The following PPEF2 variants were observed in gnomAD, a reference collection of about 807,000 sequenced individuals.
PPEF2 encodes serine/threonine-protein phosphatase with EF-hands 2.
Under a neutral mutation model 84.7 loss-of-function variants are expected in PPEF2, and 84 were observed. That is an observed-to-expected ratio of 0.99 (90% CI 0.83 to 1.19). PPEF2 has a LOEUF of 1.19. Ranked by LOEUF, PPEF2 falls within the 50% of genes most tolerant of loss-of-function variation. PPEF2 has a pLI of 0.00. For synonymous variants in PPEF2, 346 were observed against 345.2 expected (o/e 1.00, Z -0.03); for missense variants, 924 against 937.5 (o/e 0.99, Z 0.19).
chr4:75,900,093 T>C (rs1725087792), intron 1 of PPEF2, among the ~76,000 whole-genome samples: 1 of 152,220 alleles, frequency 6.6e-6, no homozygotes, highest in Non-Finnish European at 1.5e-5. Context: ...GATGTCATAT[T>C]TATTTTAAAA....
intron 1 of PPEF2, among the ~76,000 whole-genome samples, chr4:75,901,211 T>C (rs1162640957): frequency 6.6e-6 from 1 of 152,068 alleles, no homozygotes; most frequent in Non-Finnish European, 1.5e-5. Context: ...GCAGAGAACA[T>C]TCTAGAAATC....
intron 1 of PPEF2, 54 bp from the exon 2 acceptor site, chr4:75,896,437 C>T (rs150362679): frequency 1.5e-5 from 18 of 1,171,288 alleles, no homozygotes; most frequent in Non-Finnish European, 2.0e-5. Flanking sequence ...AGTATTAAAT[C>T]GGGTGGGCCA....
chr4:75,862,612 TA>T (rs561047174), intron 16 of PPEF2, among the ~76,000 whole-genome samples: 8 of 150,306 alleles, frequency 5.3e-5, no homozygotes, highest in East Asian at 1.9e-4. Flanking sequence ...TAATAAAAAC[TA>T]AAAAAAAACC....
At chr4:75,881,068 GGGATTACAGGCATGAGC>G (rs1476998398) in intron 10 of PPEF2, among the ~76,000 whole-genome samples, 2 of 151,282 alleles carry the variant, frequency 1.3e-5, no homozygotes, top group African/African-American at 4.9e-5. Context: ...CCAAAGTGCT[GGGATTACAGGCATGAGC>G]CACCGCATCC....
chr4:75,871,705 A>G (rs974170732), intron 13 of PPEF2, among the ~76,000 whole-genome samples: 2 of 152,298 alleles, frequency 1.3e-5, no homozygotes, highest in African/African-American at 4.8e-5. Context: ...TCCTGGGCTC[A>G]AACTATCCTT....
In PPEF2 at chr4:75,873,163, G is replaced by A. The variant is rs1724324611; in HGVS notation, c.1470C>T (p.Cys490=). The A allele has an allele frequency of 6.2e-7, 1 of 1,614,154 alleles. No individual in the cohort carries two copies. Among genetic ancestry groups the A allele is most frequent in the Admixed American group, 1.7e-5 (1 of 60,026 alleles). ...NMQFLIRSHE[C]KPEGYEFCHN... ...GACAGAATTCATAGCCTTCAGGTTT[G>A]CATTCATGTGAACGGATCAGGAATT... Residue 490 remains cysteine, a synonymous_variant, in exon 12 of 17, where the codon TGC becomes TGT. Transcript: ENST00000286719.
chr4:75,899,750 G>T (rs1358329988), intron 1 of PPEF2, among the ~76,000 whole-genome samples: 1 of 149,008 alleles, frequency 6.7e-6, no homozygotes, highest in Non-Finnish European at 1.5e-5. Context: ...TCTGAGTTTG[G>T]GGTAAAGTGA....
At chr4:75,869,849 A>C (rs1431995715) in intron 13 of PPEF2, among the ~76,000 whole-genome samples, 1 of 2,428 alleles carries the variant, frequency 4.1e-4, no homozygotes, top group African/African-American at 4.5e-4. Context: ...CCTGTCTCAC[A>C]AAAAGAAAAA....
At position 75,860,852 on chromosome 4, in the gene PPEF2, T is replaced by C; in HGVS notation, c.2077A>G (p.Thr693Ala). Residue 693 changes from threonine to alanine, a missense_variant, in exon 17 of 17, where the codon ACA (threonine) becomes GCA (alanine). By Grantham distance (58) the Thr-to-Ala change is moderately conservative. Transcript: ENST00000286719. ...GCAAGGTCACAGATGCAGTCATCTG[T>C]AATGTCGATATTCATGTGAGAGCTG... ...LFSSHMNIDI[T>A]DDCICDLARS... is the part of the protein sequence containing the mutation. 1 of 1,614,254 alleles carries C rather than the reference T, an allele frequency of 6.2e-7. No individual in the cohort carries two copies. The highest frequency in any genetic ancestry group is 8.5e-7 in the Non-Finnish European group (1 of 1,180,042).
chr4:75,892,802 A>G (rs1724921278), intron 2 of PPEF2, among the ~76,000 whole-genome samples: 1 of 152,214 alleles, frequency 6.6e-6, no homozygotes, highest in Admixed American at 6.5e-5. Context: ...TATTGTTGCC[A>G]GAGAAGGGAA....
Position 75,860,572 on chromosome 4 carries a change from A to T in PPEF2, c.*95T>A. On this transcript the variant is annotated 3_prime_UTR_variant, in exon 17 of 17. Coordinates refer to ENST00000286719, the MANE Select transcript of PPEF2 (RefSeq NM_006239.3). ...GATGCATATGGATAGGTAAATTTTC[A>T]GCATAAAGTTTCACATGGAGAATAA... The T allele has an allele frequency of 6.7e-7, 1 of 1,488,864 alleles. No individual in the cohort carries two copies. The highest frequency in any genetic ancestry group is 2.3e-5 in the East Asian group (1 of 43,794). The allele number at this position is 1,488,864 out of a possible 1,614,324, so 92.2% of individuals were successfully genotyped here.
intron 1 of PPEF2, among the ~76,000 whole-genome samples, chr4:75,897,647 C>T (rs1470915204): frequency 6.6e-6 from 1 of 152,154 alleles, no homozygotes; most frequent in African/African-American, 2.4e-5. Flanking sequence ...TGGTGGTGCA[C>T]ACTTGTAATC....
At chr4:75,889,926 G>A (rs781045565) in intron 5 of PPEF2, 31 bp downstream of exon 5, 2 of 1,610,540 alleles carry the variant, frequency 1.2e-6, no homozygotes, top group Admixed American at 1.7e-5. Context: ...CATGGAGTTG[G>A]TAGTGACCCA....
intron 13 of PPEF2, among the ~76,000 whole-genome samples, chr4:75,868,507 T>C (rs1208402575): frequency 6.6e-6 from 1 of 151,964 alleles, no homozygotes; most frequent in African/African-American, 2.4e-5. Flanking sequence ...AACATGACAG[T>C]CTTTAAGTGG....
In PPEF2 at chr4:75,888,278, A is replaced by AT; in HGVS notation, c.467dup (p.His156GlnfsTer17). On this transcript the variant is annotated frameshift_variant, in exon 6 of 17. Coordinates refer to ENST00000286719, the MANE Select transcript of PPEF2 (RefSeq NM_006239.3). LOFTEE classifies it high-confidence loss of function. ...GGTTGATGTTTGGCAGCTGTACCAG[A>AT]TGTTTCTTGGTTTCATACAAAAGGT... 6.2e-7 allele frequency: 1 copy of AT among 1,614,006 alleles called. No individual in the cohort carries two copies. Among genetic ancestry groups the AT allele is most frequent in the Non-Finnish European group, 8.5e-7 (1 of 1,179,942 alleles).
chr4:75,882,972 G>A lies in PPEF2; in HGVS notation c.887C>T (p.Ser296Leu). 6.2e-7 allele frequency: 1 copy of A among 1,614,152 alleles called. No individual in the cohort carries two copies. Among genetic ancestry groups the A allele is most frequent in the South Asian group, 1.1e-5 (1 of 91,084 alleles). ...EKVLILHGGV[S>L]DITDLELLDK... ...CAAAAGCTCCAGATCAGTTATGTCTGACACCCCACCATGAAGAATTAGAAC... is the reference window on the plus strand; with the variant it reads ...CAAAAGCTCCAGATCAGTTATGTCTAACACCCCACCATGAAGAATTAGAAC... Residue 296 changes from serine to leucine, a missense_variant, in exon 10 of 17, where the codon TCA becomes TTA. Transcript: ENST00000286719.
chr4:75,872,921 T>C (rs1332700523), intron 12 of PPEF2, among the ~76,000 whole-genome samples: 1 of 152,216 alleles, frequency 6.6e-6, no homozygotes, highest in Admixed American at 6.5e-5. Context: ...TGGTGGACAG[T>C]GGCCTTAATC....
In PPEF2 at chr4:75,860,432, C is replaced by G. The variant is rs1375029357; in HGVS notation, c.*235G>C. On this transcript the variant is annotated 3_prime_UTR_variant, in exon 17 of 17. Coordinates refer to ENST00000286719, the MANE Select transcript of PPEF2 (RefSeq NM_006239.3). Reference sequence around the variant, plus strand: ...ACTTTAGAATTTGAAAACACTATACCTAAGTTCTACTTTGTGAAGATTGTG... The same window carrying G: ...ACTTTAGAATTTGAAAACACTATACGTAAGTTCTACTTTGTGAAGATTGTG... 1.8e-6 allele frequency: 1 copy of G among 552,770 alleles called. No individual in the cohort carries two copies. The highest frequency in any genetic ancestry group is 3.2e-6 in the Non-Finnish European group (1 of 313,568). 34.2% of individuals were successfully genotyped at this position (552,770 alleles called of 1,614,324 possible). A position where few individuals can be genotyped will look rare whatever the true frequency, so the allele number is the denominator to read the frequency against.
intron 16 of PPEF2, among the ~76,000 whole-genome samples, chr4:75,861,765 A>ACCCC (rs1309344664): frequency 1.4e-5 from 2 of 138,870 alleles, no homozygotes; most frequent in African/African-American, 5.1e-5. Context: ...ACCCGCCACC[A>ACCCC]CTCCCGGCTA....
Sources: gnomAD v4.1 joint callset for allele counts (sites outside exome capture counted in the v4.1 genomes callset) on GRCh38, gnomAD v4.1.1 for gene constraint, MANE v1.5 for transcripts, NCBI Gene and HGNC (gene_info 2026-07-23, HGNC 2026-07-21) for gene names.